The following CLASP1 variants were observed in gnomAD, a reference collection of about 807,000 sequenced individuals.
CLASP1 encodes cytoplasmic linker associated protein 1.
A neutral mutation model predicts 192.3 loss-of-function variants in CLASP1; 38 were observed. The ratio of observed to expected loss-of-function variants is 0.20; its 90% CI spans 0.15 to 0.26. The LOEUF is 0.26. CLASP1 is among the 10% of genes least tolerant of loss of function. The pLI is 1.00. For missense variants in CLASP1, 1,433 were observed against 1,932.5 expected, an observed-to-expected ratio of 0.74 and a Z score of 4.85; for synonymous variants, 691 against 712.8, an observed-to-expected ratio of 0.97 and a Z score of 0.49.
intron 8 of CLASP1, among the ~76,000 whole-genome samples, chr2:121,472,611 G>A (rs1305687754): frequency 1.3e-5 from 2 of 152,210 alleles, no homozygotes; most frequent in Non-Finnish European, 2.9e-5. Context: ...AGAGTTCAGA[G>A]AAGTTGAGGG....
intron 2 of CLASP1, among the ~76,000 whole-genome samples, chr2:121,552,440 C>T (rs934792367): frequency 6.6e-6 from 1 of 152,272 alleles, no homozygotes; most frequent in African/African-American, 2.4e-5. Context: ...GCAAACCACG[C>T]ATCTGACAAA....
intron 19 of CLASP1, among the ~76,000 whole-genome samples, chr2:121,440,096 TA>T (rs535955256): frequency 1.3e-3 from 136 of 106,756 alleles, no homozygotes; most frequent in Middle Eastern, 5.3e-3. Context: ...AAAAAAAAAC[TA>T]AAAAAAAAAA....
intron 5 of CLASP1, among the ~76,000 whole-genome samples, chr2:121,526,493 G>GT (rs2094577209): frequency 6.6e-6 from 1 of 152,098 alleles, no homozygotes; most frequent in Non-Finnish European, 1.5e-5. Context: ...AAATCTCTTG[G>GT]TTAATCTGCC....
At chr2:121,363,360 C>A in intron 36 of CLASP1, 60 bp from the exon 38 acceptor site, 4 of 1,598,144 alleles carry the variant, frequency 2.5e-6, no homozygotes, top group Non-Finnish European at 2.6e-6. Context: ...TCACACACAG[C>A]AGTCAGCAGG....
intron 8 of CLASP1, among the ~76,000 whole-genome samples, chr2:121,495,624 G>A (rs2093500744): frequency 1.3e-5 from 2 of 152,114 alleles, no homozygotes; most frequent in African/African-American, 4.8e-5. Flanking sequence ...TCATGCCATT[G>A]CACTCCAGCC....
At chr2:121,469,843 C>A in exon 9 of CLASP1, 1 of 1,613,530 alleles carries the variant, frequency 6.2e-7, no homozygotes, top group Non-Finnish European at 8.5e-7. Context: ...TGAACCAAGC[C>A]GGCGGGTGGT....
At chr2:121,432,800 G>T (rs1238834305) in intron 19 of CLASP1, among the ~76,000 whole-genome samples, 2 of 152,060 alleles carry the variant, frequency 1.3e-5, no homozygotes, top group Non-Finnish European at 2.9e-5. Context: ...CTAGGATTCT[G>T]CTAAACTTGT....
At chr2:121,542,985 A>C (rs768036078) in intron 2 of CLASP1, among the ~76,000 whole-genome samples, 1 of 152,250 alleles carries the variant, frequency 6.6e-6, no homozygotes, top group African/African-American at 2.4e-5. Flanking sequence ...AATGTTCTAC[A>C]ACGGTGATGT....
At chr2:121,384,550 A>G (rs1173858158) in intron 32 of CLASP1, among the ~76,000 whole-genome samples, 1 of 152,122 alleles carries the variant, frequency 6.6e-6, no homozygotes, top group Non-Finnish European at 1.5e-5. Context: ...CACTATCATC[A>G]TGATCCAAGT....
intron 2 of CLASP1, among the ~76,000 whole-genome samples, chr2:121,546,287 A>T (rs1233115297): frequency 1.3e-5 from 2 of 151,930 alleles, no homozygotes; most frequent in Non-Finnish European, 1.5e-5. Context: ...ATTCCTAGGT[A>T]TCTACCTAGA....
chr2:121,641,731 T>C lies in CLASP1; in HGVS notation c.-286+7641A>G, dbSNP rs1314315337. On this transcript the variant is annotated intron_variant, in intron 1 of 39. Coordinates refer to ENST00000263710, the Ensembl canonical transcript of CLASP1. ...AATGTACCAGCTACACCTCATATAATAGCAAAAAATATACTTAAATTATAT... is the reference window on the plus strand; with the variant it reads ...AATGTACCAGCTACACCTCATATAACAGCAAAAAATATACTTAAATTATAT... Among the ~76,000 whole-genome samples the C allele has an allele frequency of 5.3e-5, 8 of 152,204 alleles. 1 individual carries two copies. Among genetic ancestry groups the C allele is most frequent in the Middle Eastern group, 6.3e-3 (2 of 316 alleles).
At chr2:121,359,595 TA>T (rs1359604988) in intron 37 of CLASP1, among the ~76,000 whole-genome samples, 1 of 152,220 alleles carries the variant, frequency 6.6e-6, no homozygotes, top group East Asian at 1.9e-4. Context: ...CTCAAGGCCT[TA>T]GCCCTTTAAG....
rs1325501819 is a variant in CLASP1 at position 121,479,047 on chromosome 2, A to AC, written c.713-9088dup. 2.4e-3 allele frequency among the ~76,000 whole-genome samples: 103 copies of AC among 42,298 alleles called. 8 individuals are homozygous for AC. The highest frequency in any genetic ancestry group is 9.3e-3 in the African/African-American group (79 of 8,486). The allele number at this position is 42,298 out of a possible 152,430, so 27.7% of individuals were successfully genotyped here. ...ACACACACACCCCACACACACACAC[A>AC]CCCCCCCCCCACACACACACACACA... On this transcript the variant is annotated intron_variant, in intron 8 of 39. Transcript: ENST00000263710.
Position 121,605,995 on chromosome 2 carries a change from GT to G in CLASP1, c.-101del. ...GAGGTTGCCTCTTTGTTCGCTGAAG[GT>G]TACTAAGAGCCTGTGTTTCAAAGAT... On this transcript the variant is annotated 5_prime_UTR_variant, in exon 2 of 40. The change creates a premature stop within an existing upstream ORF in the 5' untranslated region. Transcript: ENST00000263710. The G allele has an allele frequency of 1.0e-6, 1 of 970,178 alleles. No homozygotes were observed. 60.1% of individuals were successfully genotyped at this position (970,178 alleles called of 1,614,324 possible).
chr2:121,504,749 C>T (rs1029506371), intron 7 of CLASP1, among the ~76,000 whole-genome samples: 1 of 152,150 alleles, frequency 6.6e-6, no homozygotes, highest in Non-Finnish European at 1.5e-5. Context: ...TGCACTGCCT[C>T]CCCCCATTCC....
chr2:121,399,307 T>C (rs2075796509), intron 28 of CLASP1, among the ~76,000 whole-genome samples: 2 of 152,202 alleles, frequency 1.3e-5, no homozygotes, highest in Non-Finnish European at 2.9e-5. Flanking sequence ...GTAAACTTGA[T>C]CCAATAATAC....
intron 19 of CLASP1, among the ~76,000 whole-genome samples, chr2:121,443,941 T>C (rs2083834512): frequency 6.6e-6 from 1 of 152,206 alleles, no homozygotes; most frequent in Non-Finnish European, 1.5e-5. Flanking sequence ...CAGCTAACTT[T>C]GCATGCTAGC....
At chr2:121,436,730 A>G (rs1019046504) in intron 19 of CLASP1, among the ~76,000 whole-genome samples, 4 of 152,072 alleles carry the variant, frequency 2.6e-5, no homozygotes, top group Admixed American at 1.3e-4. Context: ...TTCATCAATT[A>G]TGAAGAATTC....
intron 39 of CLASP1, among the ~76,000 whole-genome samples, chr2:121,346,144 G>A (rs1035699493): frequency 6.6e-6 from 1 of 152,206 alleles, no homozygotes; most frequent in Non-Finnish European, 1.5e-5. Flanking sequence ...GGCGCTTCTG[G>A]TTTCATGTTT....
Sources: gnomAD v4.1 joint callset for allele counts (sites outside exome capture counted in the v4.1 genomes callset) on GRCh38, gnomAD v4.1.1 for gene constraint, MANE v1.5 for transcripts, NCBI Gene and HGNC (gene_info 2026-07-23, HGNC 2026-07-21) for gene names.